CACNA2D3: variants seen among roughly 807,000 people sequenced by gnomAD.
The protein encoded by CACNA2D3 is voltage-dependent calcium channel subunit alpha-2/delta-3.
Under a neutral mutation model 160.6 loss-of-function variants are expected in CACNA2D3, and 60 were observed. The ratio of observed to expected loss-of-function variants is 0.37; its 90% confidence interval spans 0.30 to 0.46. The LOEUF (loss-of-function observed/expected upper bound fraction) is 0.46, where lower values mean the gene tolerates loss of function less well. Among genes scored for constraint, CACNA2D3 ranks in the 20% least tolerant of loss-of-function variants. The pLI is 1.00. For synonymous variants in CACNA2D3, 558 were observed against 492.9 expected (o/e 1.13, Z -1.75); for missense variants, 1,205 against 1,365.0 (o/e 0.88, Z 1.85).
chr3:54,834,516 T>C (rs1698627446), intron 14 of CACNA2D3, among the ~76,000 whole-genome samples: 2 of 152,238 alleles, frequency 1.3e-5, no homozygotes, highest in African/African-American at 2.4e-5. Context: ...TTCCAAAAAC[T>C]ATTACAGACT....
At chr3:54,608,858 T>C (rs1698689239) in intron 9 of CACNA2D3, among the ~76,000 whole-genome samples, 1 of 152,154 alleles carries the variant, frequency 6.6e-6, no homozygotes, top group South Asian at 2.1e-4. Context: ...GGCTAAGTAG[T>C]GTGGGGAGGT....
chr3:54,345,148 A>G (rs889979330), intron 3 of CACNA2D3, among the ~76,000 whole-genome samples: 24 of 152,232 alleles, frequency 1.6e-4, no homozygotes, highest in African/African-American at 5.8e-4. Context: ...CTGTCTGTGG[A>G]GTAGCCATTC....
chr3:54,606,181 A>G (rs1221345023), intron 9 of CACNA2D3, among the ~76,000 whole-genome samples: 3 of 152,252 alleles, frequency 2.0e-5, no homozygotes, highest in South Asian at 2.1e-4. Context: ...GAATCACATA[A>G]TAACAACCAA....
intron 4 of CACNA2D3, among the ~76,000 whole-genome samples, chr3:54,465,692 A>C (rs923577396): frequency 1.3e-5 from 2 of 152,220 alleles, no homozygotes; most frequent in Non-Finnish European, 2.9e-5. Flanking sequence ...TTGGCATTGA[A>C]AGAAATGGCC....
chr3:54,527,958 G>A (rs891847370), intron 5 of CACNA2D3, among the ~76,000 whole-genome samples: 1 of 152,076 alleles, frequency 6.6e-6, no homozygotes, highest in Admixed American at 6.5e-5. Context: ...TTAAATTTTT[G>A]TGTTTTTTCT....
At chr3:54,599,915 T>C (rs1028492074) in intron 9 of CACNA2D3, among the ~76,000 whole-genome samples, 2 of 152,312 alleles carry the variant, frequency 1.3e-5, no homozygotes, top group Non-Finnish European at 2.9e-5. Context: ...GCCTCAGCTG[T>C]GATCCCTGAG....
chr3:55,029,642 C>T (rs1450312384), intron 35 of CACNA2D3, among the ~76,000 whole-genome samples: 1 of 152,130 alleles, frequency 6.6e-6, no homozygotes, highest in Non-Finnish European at 1.5e-5. Flanking sequence ...CCTGGGTCTA[C>T]TTGAGCTCTT....
intron 2 of CACNA2D3, among the ~76,000 whole-genome samples, chr3:54,290,708 AC>A (rs1703170334): frequency 6.6e-6 from 1 of 152,010 alleles, no homozygotes; most frequent in Admixed American, 6.6e-5. Flanking sequence ...GCACATATAC[AC>A]CATGGAATAC....
chr3:54,162,925 G>T, intron 2 of CACNA2D3, among the ~76,000 whole-genome samples: 1 of 152,228 alleles, frequency 6.6e-6, no homozygotes. Context: ...AGGGTAAGGG[G>T]ATAGAGAATA....
intron 11 of CACNA2D3, among the ~76,000 whole-genome samples, chr3:54,717,969 T>G (rs1701095276): frequency 6.6e-6 from 1 of 152,224 alleles, no homozygotes; most frequent in Admixed American, 6.5e-5. Flanking sequence ...TTGATCAGTT[T>G]TCATATGTAT....
Position 54,844,798 on chromosome 3 carries a change from AAAG to A in CACNA2D3, c.1552-1586_1552-1584del, listed in dbSNP as rs932540862. 6.5e-4 allele frequency among the ~76,000 whole-genome samples: 99 copies of A among 152,326 alleles called. 1 individual carries two copies. The highest frequency in any genetic ancestry group is 7.2e-4 in the African/African-American group (30 of 41,576). ...TTTTGAGGATTGCTTCTCACAAGCA[AAAG>A]AAGAAGAACCAAAGTAATGTACATT... On this transcript the variant is annotated intron_variant, in intron 16 of 37. Coordinates refer to ENST00000474759, the MANE Select transcript of CACNA2D3 (RefSeq NM_018398.3).
At chr3:54,426,317 A>T (rs1432207701) in intron 4 of CACNA2D3, among the ~76,000 whole-genome samples, 2 of 152,178 alleles carry the variant, frequency 1.3e-5, no homozygotes, top group Non-Finnish European at 2.9e-5. Context: ...TATAGCTCTA[A>T]GTTATGTTGT....
intron 5 of CACNA2D3, among the ~76,000 whole-genome samples, chr3:54,550,087 C>T (rs1048444629): frequency 2.0e-5 from 3 of 152,112 alleles, no homozygotes; most frequent in Non-Finnish European, 2.9e-5. Context: ...TTTGTCCCCC[C>T]GCCCCCACAG....
At chr3:54,235,247 C>G (rs1701851838) in intron 2 of CACNA2D3, among the ~76,000 whole-genome samples, 1 of 152,142 alleles carries the variant, frequency 6.6e-6, no homozygotes, top group African/African-American at 2.4e-5. Context: ...CTGTATTAGT[C>G]CATTCTCACA....
At chr3:54,550,624 C>G (rs1702141036) in intron 5 of CACNA2D3, among the ~76,000 whole-genome samples, 1 of 152,192 alleles carries the variant, frequency 6.6e-6, no homozygotes, top group Admixed American at 6.5e-5. Flanking sequence ...CAGTTTTAGT[C>G]TGCAAATCTA....
chr3:54,888,522 A>T (rs578073736), intron 24 of CACNA2D3, among the ~76,000 whole-genome samples: 1 of 152,212 alleles, frequency 6.6e-6, no homozygotes, highest in Non-Finnish European at 1.5e-5. Flanking sequence ...GGTAGTTGAT[A>T]TCAAAGACTA....
At chr3:54,609,504 A>G (rs1172724589) in intron 9 of CACNA2D3, among the ~76,000 whole-genome samples, 2 of 152,196 alleles carry the variant, frequency 1.3e-5, no homozygotes, top group Non-Finnish European at 2.9e-5. Context: ...TTTCTTAGAA[A>G]GAGCAAGTTC....
chr3:54,406,437 ATGTG>A (rs1383306281), intron 4 of CACNA2D3, among the ~76,000 whole-genome samples: 1 of 152,140 alleles, frequency 6.6e-6, no homozygotes, highest in African/African-American at 2.4e-5. Flanking sequence ...ACATTGTACA[ATGTG>A]TGTACACATA....
Position 54,689,009 on chromosome 3 carries a change from A to G in CACNA2D3, c.1167+46768A>G, listed in dbSNP as rs111324755. On this transcript the variant is annotated intron_variant, in intron 11 of 37. Coordinates refer to ENST00000474759, the MANE Select transcript of CACNA2D3 (RefSeq NM_018398.3). ...AAAAAAAAAAAAAAAAAAAAAAAAA[A>G]AAGAATGAGGTTGTATACATAAAGC... is the stretch of plus-strand genomic sequence containing the variant. 1.6e-4 allele frequency among the ~76,000 whole-genome samples: 20 copies of G among 122,686 alleles called. 4 individuals carry two copies. The highest frequency in any genetic ancestry group is 3.0e-4 in the African/African-American group (9 of 29,936). 80.5% of individuals were successfully genotyped at this position (122,686 alleles called of 152,430 possible). A position where few individuals can be genotyped will look rare whatever the true frequency, so the allele number is the denominator to read the frequency against.
Sources: allele counts gnomAD v4.1 joint callset (sites outside exome capture counted in the v4.1 genomes callset), GRCh38; gene constraint gnomAD v4.1.1; transcripts MANE v1.5; gene names NCBI Gene and HGNC (gene_info 2026-07-23, HGNC 2026-07-21).